YEATS4: variants seen among roughly 807,000 people sequenced by gnomAD.
YEATS4 encodes YEATS domain containing 4.
In YEATS4, 17 loss-of-function variants were observed where a neutral mutation model predicts 30.1. The observed-to-expected ratio is 0.56, with a 90% confidence interval of 0.39 to 0.85. The LOEUF is 0.85. YEATS4 is among the 40% of genes least tolerant of loss of function. The probability of loss-of-function intolerance (pLI) is 0.00; values close to 1 mark genes in which losing one functional copy is unlikely to be tolerated. For synonymous variants in YEATS4, 85 were observed against 87.5 expected (o/e 0.97, Z 0.16); for missense variants, 142 against 268.3 (o/e 0.53, Z 3.29).
the YEATS4 span, among the ~76,000 whole-genome samples, chr12:69,404,436 G>A: frequency 6.6e-6 from 1 of 152,170 alleles, no homozygotes; most frequent in African/African-American, 2.4e-5. Flanking sequence ...TCAGAGGTGG[G>A]TTAGTTATTT....
At chr12:69,397,945 T>A in the YEATS4 span, among the ~76,000 whole-genome samples, 1 of 152,156 alleles carries the variant, frequency 6.6e-6, no homozygotes, top group Non-Finnish European at 1.5e-5. Context: ...ACATATAGAC[T>A]ATATTAATAG....
At chr12:69,360,555 G>A (rs539754563) in intron 1 of YEATS4, among the ~76,000 whole-genome samples, 1 of 152,154 alleles carries the variant, frequency 6.6e-6, no homozygotes, top group Non-Finnish European at 1.5e-5. Context: ...TGGCACATGG[G>A]GAACATTCAG....
At chr12:69,373,611 A>G (rs1012654421) in intron 6 of YEATS4, among the ~76,000 whole-genome samples, 6 of 152,164 alleles carry the variant, frequency 3.9e-5, no homozygotes, top group African/African-American at 1.4e-4. Context: ...TTTGTGGTAC[A>G]GAAGTTTTTT....
At chr12:69,360,475 G>A (rs1451085014) in intron 1 of YEATS4, among the ~76,000 whole-genome samples, 2 of 152,154 alleles carry the variant, frequency 1.3e-5, no homozygotes, top group Non-Finnish European at 2.9e-5. Context: ...CGAGGCATAC[G>A]AAAGCTAAGA....
At chr12:69,407,995 C>T in the YEATS4 span, among the ~76,000 whole-genome samples, 2 of 152,122 alleles carry the variant, frequency 1.3e-5, no homozygotes, top group South Asian at 2.1e-4. Flanking sequence ...GGATTACAGG[C>T]GTGAGCCACT....
intron 4 of YEATS4, among the ~76,000 whole-genome samples, chr12:69,367,048 A>G (rs1192476892): frequency 6.6e-6 from 1 of 152,212 alleles, no homozygotes; most frequent in Non-Finnish European, 1.5e-5. Context: ...CTTCCTACGT[A>G]GGAATTTATT....
chr12:69,399,334 A>G, the YEATS4 span, among the ~76,000 whole-genome samples: 2 of 152,236 alleles, frequency 1.3e-5, no homozygotes, highest in South Asian at 2.1e-4. Flanking sequence ...ACAATTAAAA[A>G]TTGGGCAAAA....
intron 6 of YEATS4, 91 bp from the exon 7 acceptor site, chr12:69,390,056 A>C: frequency 9.6e-7 from 1 of 1,045,594 alleles, no homozygotes; most frequent in Non-Finnish European, 1.3e-6. Context: ...TCATGGAAAC[A>C]TTGTCGTCAG....
chr12:69,389,175 C>T (rs1217863380), intron 6 of YEATS4, among the ~76,000 whole-genome samples: 1 of 152,024 alleles, frequency 6.6e-6, no homozygotes, highest in East Asian at 1.9e-4. Flanking sequence ...CTGGGCCGGG[C>T]CTGGTGGCTT....
At chr12:69,391,705 C>T (rs146415649), downstream of YEATS4, among the ~76,000 whole-genome samples, 186 of 152,280 alleles carry the variant, frequency 1.2e-3, 3 homozygotes, top group East Asian at 0.025. Flanking sequence ...ATTTTCTCTG[C>T]ACCTTTTATC....
chr12:69,422,262 C>T, the YEATS4 span, among the ~76,000 whole-genome samples: 2 of 152,206 alleles, frequency 1.3e-5, no homozygotes, highest in African/African-American at 4.8e-5. Flanking sequence ...ATCGAAGACC[C>T]TGAAATTAGT....
chr12:69,424,643 A>C, the YEATS4 span, among the ~76,000 whole-genome samples: 74 of 152,134 alleles, frequency 4.9e-4, no homozygotes, highest in African/African-American at 1.6e-3. Flanking sequence ...TTCTCGTGAT[A>C]GTGAGTGAGT....
chr12:69,426,845 A>G, the YEATS4 span, among the ~76,000 whole-genome samples: 54 of 152,294 alleles, frequency 3.5e-4, 1 homozygote, highest in South Asian at 0.01. Context: ...TAGCAGATTA[A>G]CTCCTAGGAT....
chr12:69,412,041 G>A, the YEATS4 span, among the ~76,000 whole-genome samples: 1 of 152,230 alleles, frequency 6.6e-6, no homozygotes, highest in Non-Finnish European at 1.5e-5. Context: ...AGGAGCAAGG[G>A]TAGAAGCAGG....
At chr12:69,417,789 C>T in the YEATS4 span, among the ~76,000 whole-genome samples, 6 of 148,018 alleles carry the variant, frequency 4.1e-5, no homozygotes, top group East Asian at 4.0e-4. Context: ...AGCAGCACTT[C>T]GTTTAACGCT....
chr12:69,380,038 C>G (rs1876014938), intron 6 of YEATS4, among the ~76,000 whole-genome samples: 1 of 152,096 alleles, frequency 6.6e-6, no homozygotes, highest in African/African-American at 2.4e-5. Flanking sequence ...CTCAAAACAG[C>G]TATTTTGAGT....
At chr12:69,381,623 A>G (rs1187408708) in intron 6 of YEATS4, among the ~76,000 whole-genome samples, 3 of 152,250 alleles carry the variant, frequency 2.0e-5, no homozygotes, top group Non-Finnish European at 4.4e-5. Flanking sequence ...TTCACAATTT[A>G]TGTTCAGAGA....
the YEATS4 span, among the ~76,000 whole-genome samples, chr12:69,403,506 G>A: frequency 6.6e-6 from 1 of 151,670 alleles, no homozygotes; most frequent in Non-Finnish European, 1.5e-5. Flanking sequence ...GAACCTGAGA[G>A]GCAGAGGTTG....
intron 6 of YEATS4, among the ~76,000 whole-genome samples, chr12:69,375,081 G>C (rs1257229329): frequency 6.6e-6 from 1 of 151,150 alleles, no homozygotes; most frequent in Non-Finnish European, 1.5e-5. Context: ...CGGCTGCCGG[G>C]CGGAGACGCT....
Sources: allele counts gnomAD v4.1 joint callset (sites outside exome capture counted in the v4.1 genomes callset), GRCh38; gene constraint gnomAD v4.1.1; transcripts MANE v1.5; gene names NCBI Gene and HGNC (gene_info 2026-07-23, HGNC 2026-07-21).